CMSS1: variants seen among roughly 807,000 people sequenced by gnomAD.
CMSS1 encodes the protein cms1 ribosomal small subunit homolog, also known as protein CMSS1.
A neutral mutation model predicts 43.5 loss-of-function variants in CMSS1; 33 were observed. That is an observed-to-expected ratio of 0.76 (90% CI 0.57 to 1.01). CMSS1 has a LOEUF of 1.01. Among genes scored for constraint, CMSS1 ranks in the 50% least tolerant of loss-of-function variants. The pLI, the probability that CMSS1 is intolerant of heterozygous loss-of-function variation, is 0.00. For synonymous variants in CMSS1, 115 were observed against 117.2 expected, an observed-to-expected ratio of 0.98 and a Z score of 0.12; for missense variants, 313 against 326.4, an observed-to-expected ratio of 0.96 and a Z score of 0.32.
At chr3:99,833,264 A>G (rs1340158302) in intron 1 of CMSS1, 1 of 1,609,958 alleles carries the variant, frequency 6.2e-7, no homozygotes, top group East Asian at 2.2e-5. Flanking sequence ...GGTTCCACCT[A>G]GGGAGCAGTA....
At chr3:100,114,936 G>C in intron 1 of CMSS1, 1 of 1,533,884 alleles carries the variant, frequency 6.5e-7, no homozygotes, top group African/African-American at 1.4e-5. Context: ...TCCATTTAGT[G>C]TCACAGGAGA....
At chr3:99,864,056 A>G (rs910463600) in intron 1 of CMSS1, among the ~76,000 whole-genome samples, 29 of 152,246 alleles carry the variant, frequency 1.9e-4, no homozygotes, top group African/African-American at 6.8e-4. Context: ...TGTAGGATCT[A>G]TTTTTAATGG....
At chr3:99,872,572 G>A (rs1331658173) in intron 1 of CMSS1, among the ~76,000 whole-genome samples, 1 of 151,734 alleles carries the variant, frequency 6.6e-6, no homozygotes, top group Non-Finnish European at 1.5e-5. Flanking sequence ...CTGCTCCCCT[G>A]CCTGCCCCCA....
intron 1 of CMSS1, among the ~76,000 whole-genome samples, chr3:100,115,621 C>CTG: frequency 9.4e-6 from 1 of 106,364 alleles, no homozygotes; most frequent in South Asian, 3.5e-4. Flanking sequence ...CTCTCTCTCT[C>CTG]TCTCTCTGTC....
chr3:99,844,345 G>A (rs959706274), intron 1 of CMSS1, among the ~76,000 whole-genome samples: 6 of 152,146 alleles, frequency 3.9e-5, no homozygotes, highest in African/African-American at 9.7e-5. Flanking sequence ...TCTGAGATAC[G>A]CTGATCTATA....
chr3:100,035,360 G>A (rs1298836458), intron 1 of CMSS1, among the ~76,000 whole-genome samples: 5 of 152,056 alleles, frequency 3.3e-5, no homozygotes, highest in African/African-American at 4.8e-5. Context: ...TGCAACCCCC[G>A]CCTCCTGGGT....
intron 1 of CMSS1, among the ~76,000 whole-genome samples, chr3:100,104,208 G>A (rs1264540741): frequency 1.3e-5 from 2 of 152,168 alleles, no homozygotes; most frequent in Non-Finnish European, 2.9e-5. Context: ...GGTAGGGACT[G>A]CAAAGAAGCT....
At chr3:100,171,060 C>CG (rs1311841198) in intron 6 of CMSS1, among the ~76,000 whole-genome samples, 4 of 152,264 alleles carry the variant, frequency 2.6e-5, no homozygotes, top group Non-Finnish European at 5.9e-5. Flanking sequence ...GACCCCTTTA[C>CG]GGGGGGCATC....
chr3:100,132,743 C>A (rs2066719305), intron 1 of CMSS1, among the ~76,000 whole-genome samples: 1 of 144,072 alleles, frequency 6.9e-6, no homozygotes, highest in Non-Finnish European at 1.5e-5. Context: ...GGTGTGAACC[C>A]AGGAGGTGGA....
chr3:99,825,521 C>T (rs1467279348), intron 1 of CMSS1, among the ~76,000 whole-genome samples: 1 of 152,108 alleles, frequency 6.6e-6, no homozygotes, highest in Non-Finnish European at 1.5e-5. Flanking sequence ...CATATAATTT[C>T]CACAGTTCTT....
intron 1 of CMSS1, among the ~76,000 whole-genome samples, chr3:99,916,793 A>G (rs183528633): frequency 1.3e-5 from 2 of 152,302 alleles, no homozygotes; most frequent in East Asian, 1.9e-4. Flanking sequence ...GTGCTCTTCC[A>G]TAAGGCCTTT....
intron 1 of CMSS1, among the ~76,000 whole-genome samples, chr3:99,890,867 A>AT (rs1390907559): frequency 2.0e-5 from 3 of 151,878 alleles, no homozygotes; most frequent in African/African-American, 4.8e-5. Context: ...ATGCTTTCAG[A>AT]TTTTTTTATA....
chr3:100,009,753 A>T (rs1001912559), intron 1 of CMSS1, among the ~76,000 whole-genome samples: 1 of 152,228 alleles, frequency 6.6e-6, no homozygotes, highest in Non-Finnish European at 1.5e-5. Context: ...GAAAGTCTGC[A>T]GCTTTGATTG....
At chr3:100,132,818 CAAAAA>C (rs537334560) in intron 1 of CMSS1, among the ~76,000 whole-genome samples, 3 of 66,358 alleles carry the variant, frequency 4.5e-5, no homozygotes, top group African/African-American at 1.5e-4. Flanking sequence ...GACTCCATCC[CAAAAA>C]AAAAAAAAAA....
chr3:99,911,568 C>G (rs1706790095), intron 1 of CMSS1, among the ~76,000 whole-genome samples: 2 of 152,048 alleles, frequency 1.3e-5, no homozygotes, highest in East Asian at 1.9e-4. Context: ...CATCCTCACC[C>G]GAGGCTTAAC....
intron 1 of CMSS1, among the ~76,000 whole-genome samples, chr3:99,878,900 A>G (rs1705628871): frequency 6.6e-6 from 1 of 152,132 alleles, no homozygotes; most frequent in Admixed American, 6.5e-5. Flanking sequence ...TCTTTCTGAG[A>G]TGTAATTTTT....
intron 1 of CMSS1, among the ~76,000 whole-genome samples, chr3:100,094,379 T>C (rs1370360355): frequency 1.3e-5 from 2 of 152,180 alleles, no homozygotes; most frequent in African/African-American, 4.8e-5. Flanking sequence ...AATATCAAGA[T>C]ATTATTTTCA....
At chr3:100,126,630 G>C (rs1252435414) in intron 1 of CMSS1, among the ~76,000 whole-genome samples, 7 of 152,010 alleles carry the variant, frequency 4.6e-5, no homozygotes, top group Non-Finnish European at 4.4e-5. Flanking sequence ...TTGTAACCTT[G>C]TAAGCTGCCT....
intron 1 of CMSS1, among the ~76,000 whole-genome samples, chr3:99,952,942 A>G (rs1265542954): frequency 1.3e-5 from 2 of 152,208 alleles, no homozygotes. Flanking sequence ...AGTTTTGGAA[A>G]TAACCCAGAA....
Sources: gnomAD v4.1 joint callset for allele counts (sites outside exome capture counted in the v4.1 genomes callset) on GRCh38, gnomAD v4.1.1 for gene constraint, MANE v1.5 for transcripts, NCBI Gene and HGNC (gene_info 2026-07-23, HGNC 2026-07-21) for gene names.